ABCB4: variants seen among roughly 807,000 people sequenced by gnomAD.
The protein encoded by ABCB4 is phosphatidylcholine translocator ABCB4.
A neutral mutation model predicts 145.7 loss-of-function variants in ABCB4; 76 were observed. That is an observed-to-expected ratio of 0.52 (90% confidence interval 0.43 to 0.63). ABCB4 has a LOEUF of 0.63. Ranked by LOEUF, ABCB4 falls within the 30% of genes least tolerant of loss-of-function variation. The pLI, the probability that ABCB4 is intolerant of heterozygous loss-of-function variation, is 0.00. For synonymous variants in ABCB4, 517 were observed against 566.8 expected (o/e 0.91, Z 1.25); for missense variants, 1,234 against 1,553.1 (o/e 0.79, Z 3.45).
the ABCB4 span, chr7:87,391,768 C>T: frequency 1.3e-6 from 2 of 1,555,574 alleles, no homozygotes; most frequent in Non-Finnish European, 8.7e-7. Context: ...TCTAAAGGAA[C>T]CGTGGTCTTT....
the ABCB4 span, chr7:87,375,616 T>C: frequency 6.3e-7 from 1 of 1,594,014 alleles, no homozygotes; most frequent in Non-Finnish European, 8.6e-7. Flanking sequence ...TTAATCTTCT[T>C]TTCATCTTCC....
intron 8 of ABCB4, 100 bp downstream of exon 8, chr7:87,449,868 A>T: frequency 6.4e-7 from 1 of 1,572,984 alleles, no homozygotes; most frequent in Non-Finnish European, 8.7e-7. Flanking sequence ...GAGAAGGGTT[A>T]ATATTAGGAA....
intron 14 of ABCB4, among the ~76,000 whole-genome samples, chr7:87,434,111 T>TG (rs1810443455): frequency 1.3e-5 from 2 of 148,242 alleles, no homozygotes; most frequent in African/African-American, 5.1e-5. Flanking sequence ...TTTTTTTTTT[T>TG]TTTTTGGATT....
At chr7:87,406,612 A>G in intron 25 of ABCB4, 118 bp from the exon 26 acceptor site, 2 of 1,081,508 alleles carry the variant, frequency 1.8e-6, no homozygotes, top group South Asian at 1.4e-5. Context: ...CTTCAAAACA[A>G]CAACCCTCCA....
chr7:87,456,827 C>T (rs1366932333), intron 4 of ABCB4, among the ~76,000 whole-genome samples: 1 of 151,888 alleles, frequency 6.6e-6, no homozygotes, highest in Non-Finnish European at 1.5e-5. Flanking sequence ...CCAGAGTCCC[C>T]GGGGAAACTC....
At chr7:87,407,984 G>A in intron 25 of ABCB4, 53 bp downstream of exon 25, 1 of 1,602,390 alleles carries the variant, frequency 6.2e-7, no homozygotes, top group African/African-American at 1.3e-5. Context: ...GACAATATTG[G>A]TTGGGCCAAT....
In ABCB4 at chr7:87,431,528, C is replaced by T. The variant is rs45575636; in HGVS notation, c.1769G>A (p.Arg590Gln). The change falls in exon 15 of 28, where the codon CGA becomes CAA. Residue 590 changes from arginine to glutamine, a missense_variant. By Grantham distance (43) the Arg-to-Gln change is conservative. This residue lies in a region of ABCB4 where 321 missense variants were observed against 332.6 expected (regional missense o/e 0.97). Transcript: ENST00000649586. ...ATCTGCATTTCGGACCGTAGACAGT[C>T]GGTGTGCTATCACAATGGTGGTCCG... ...EGRTTIVIAH[R>Q]LSTVRNADVI... 6.7e-3 allele frequency: 10,812 copies of T among 1,614,056 alleles called. 45 individuals are homozygous for T. Among genetic ancestry groups the T allele is most frequent in the Non-Finnish European group, 8.0e-3 (9,462 of 1,179,960 alleles).
At chr7:87,366,332 T>C in the ABCB4 span, among the ~76,000 whole-genome samples, 3 of 152,004 alleles carry the variant, frequency 2.0e-5, no homozygotes, top group Admixed American at 2.0e-4. Context: ...TTTCCCTTCG[T>C]CCTTAACAAT....
downstream of ABCB4, chr7:87,398,208 T>C: frequency 8.1e-6 from 4 of 495,666 alleles, no homozygotes; most frequent in South Asian, 5.0e-5. Context: ...AGTAGCACTT[T>C]AGGAAGGACT....
chr7:87,455,104 G>A (rs1812025932), intron 4 of ABCB4, among the ~76,000 whole-genome samples: 1 of 152,142 alleles, frequency 6.6e-6, no homozygotes, highest in Non-Finnish European at 1.5e-5. Flanking sequence ...TAAGGGAAAG[G>A]CTAAGTTACA....
chr7:87,459,316 A>G (rs1812302362), intron 4 of ABCB4, among the ~76,000 whole-genome samples: 1 of 152,084 alleles, frequency 6.6e-6, no homozygotes, highest in Non-Finnish European at 1.5e-5. Flanking sequence ...TCCTCCCCAC[A>G]ACCCCTATTA....
chr7:87,450,531 C>T (rs1267243888), intron 7 of ABCB4, among the ~76,000 whole-genome samples: 1 of 142,512 alleles, frequency 7.0e-6, no homozygotes, highest in Non-Finnish European at 1.5e-5. Context: ...AGTGCAGTGG[C>T]ACGATCTCGG....
chr7:87,373,099 C>T, the ABCB4 span, among the ~76,000 whole-genome samples: 1 of 152,096 alleles, frequency 6.6e-6, no homozygotes, highest in South Asian at 2.1e-4. Context: ...AGTTTCTCCA[C>T]ATCTTCACCA....
chr7:87,446,978 G>A (rs1294633933), intron 9 of ABCB4, 56 bp downstream of exon 9: 74 of 1,470,892 alleles, frequency 5.0e-5, no homozygotes, highest in Non-Finnish European at 6.9e-5. Context: ...AAAAGAGAAG[G>A]TAGATGGAGA....
chr7:87,439,083 C>T (rs1810800933), intron 14 of ABCB4, among the ~76,000 whole-genome samples: 1 of 152,104 alleles, frequency 6.6e-6, no homozygotes, highest in Admixed American at 6.5e-5. Context: ...CAAAAGTGTA[C>T]CAAGATAAGG....
the ABCB4 span, among the ~76,000 whole-genome samples, chr7:87,366,028 C>A: frequency 2.0e-5 from 3 of 152,204 alleles, no homozygotes. Context: ...TATCCCTTGT[C>A]AGCTGGATTC....
chr7:87,402,325 C>A (rs1360535284), intron 27 of ABCB4, 23 bp from the exon 28 acceptor site: 2 of 1,613,562 alleles, frequency 1.2e-6, no homozygotes, highest in Admixed American at 1.7e-5. Context: ...CAGACAGACA[C>A]CTTATCCCAA....
At chr7:87,375,355 A>G in the ABCB4 span, 1 of 336,106 alleles carries the variant, frequency 3.0e-6, no homozygotes, top group Non-Finnish European at 5.5e-6. Context: ...CTAGAAGTGC[A>G]TGCACATTTC....
chr7:87,476,027 C>T (rs1813800464), upstream of ABCB4: 1 of 152,490 alleles, frequency 6.6e-6, no homozygotes, highest in Non-Finnish European at 1.5e-5. Flanking sequence ...ATGACTGTCA[C>T]ACCCCATGGG....
Sources: allele counts gnomAD v4.1 joint callset (sites outside exome capture counted in the v4.1 genomes callset), GRCh38; gene constraint gnomAD v4.1.1; regional missense constraint gnomAD v4.1.1; transcripts MANE v1.5; gene names NCBI Gene and HGNC (gene_info 2026-07-23, HGNC 2026-07-21).